The following KSR2 variants were observed in gnomAD, a reference collection of about 807,000 sequenced individuals.
KSR2 encodes kinase suppressor of ras 2.
KSR2 carries 25 observed loss-of-function variants against 107.8 expected under a neutral mutation model. That is an observed-to-expected ratio of 0.23 (90% CI 0.17 to 0.32). KSR2 has a LOEUF of 0.32. KSR2 is among the 10% of genes least tolerant of loss of function. The pLI is 1.00. For missense variants in KSR2, 887 were observed against 1,268.9 expected (o/e 0.70, Z 4.57); for synonymous variants, 480 against 507.0 (o/e 0.95, Z 0.71).
chr12:117,629,175 G>C (rs1368988603), intron 5 of KSR2, among the ~76,000 whole-genome samples: 2 of 152,198 alleles, frequency 1.3e-5, no homozygotes, highest in African/African-American at 4.8e-5. Flanking sequence ...TTGATGACCC[G>C]CACTGCTTTG....
intron 14 of KSR2, among the ~76,000 whole-genome samples, chr12:117,518,642 T>A (rs1874542558): frequency 6.6e-6 from 1 of 152,356 alleles, no homozygotes; most frequent in Non-Finnish European, 1.5e-5. Flanking sequence ...TTTAAAACCT[T>A]ACGTGGGCTT....
At position 117,730,393 on chromosome 12, in the gene KSR2, CTA is replaced by C. The variant is rs199931007; in HGVS notation, c.986+30616_986+30617del. On this transcript the variant is annotated intron_variant, in intron 4 of 19. Coordinates refer to ENST00000339824, the MANE Select transcript of KSR2 (RefSeq NM_173598.6). ...GGTAAGAATGCAATATATCCTGTCT[CTA>C]TTATTATTATTATAAAAGTGAAATC... 8.5e-3 allele frequency among the ~76,000 whole-genome samples: 1,294 copies of C among 152,072 alleles called. 20 individuals carry two copies. The highest frequency in any genetic ancestry group is 0.03 in the African/African-American group (1,225 of 41,448).
At chr12:117,643,424 G>A (rs1883471972) in intron 5 of KSR2, among the ~76,000 whole-genome samples, 2 of 152,158 alleles carry the variant, frequency 1.3e-5, no homozygotes, top group Non-Finnish European at 1.5e-5. Flanking sequence ...TCTAGCCTGG[G>A]CAACAGAGCA....
intron 1 of KSR2, among the ~76,000 whole-genome samples, chr12:117,878,197 C>T (rs759886141): frequency 5.4e-5 from 8 of 147,076 alleles, no homozygotes; most frequent in Non-Finnish European, 1.0e-4. Flanking sequence ...TAATCACTCC[C>T]GGCCTTTTTG....
Position 117,923,064 on chromosome 12 carries a change from T to C in KSR2, c.180+45012A>G, listed in dbSNP as rs116027814. 1.3e-3 allele frequency among the ~76,000 whole-genome samples: 194 copies of C among 152,258 alleles called. 1 individual carries two copies. Among genetic ancestry groups the C allele is most frequent in the African/African-American group, 4.5e-3 (187 of 41,548 alleles). Reference sequence around the variant, plus strand: ...ACTTCACTATTTAGAATGCCCCCGGTTAGTGATAAAGTGCTACCTAGTGTG... The same window carrying C: ...ACTTCACTATTTAGAATGCCCCCGGCTAGTGATAAAGTGCTACCTAGTGTG... On this transcript the variant is annotated intron_variant, in intron 1 of 19. Coordinates refer to ENST00000339824, the MANE Select transcript of KSR2 (RefSeq NM_173598.6).
At chr12:117,474,134 C>G (rs1262429631) in intron 17 of KSR2, among the ~76,000 whole-genome samples, 1 of 152,172 alleles carries the variant, frequency 6.6e-6, no homozygotes, top group Non-Finnish European at 1.5e-5. Flanking sequence ...TTAAAACTTC[C>G]TTTTAAACCC....
intron 4 of KSR2, among the ~76,000 whole-genome samples, chr12:117,668,824 G>A (rs548443072): frequency 6.6e-6 from 1 of 152,236 alleles, no homozygotes; most frequent in Non-Finnish European, 1.5e-5. Context: ...GGAAAGTTTG[G>A]TTCTCCTCTT....
intron 1 of KSR2, among the ~76,000 whole-genome samples, chr12:117,877,014 A>T (rs1893875985): frequency 6.6e-6 from 1 of 152,150 alleles, no homozygotes; most frequent in Non-Finnish European, 1.5e-5. Flanking sequence ...GTGTTGCATT[A>T]AACAAAGTTT....
chr12:117,455,714 T>C lies in KSR2; in HGVS notation c.*11485A>G, dbSNP rs1870585494. 1 of 152,238 alleles carries C rather than the reference T, an allele frequency of 6.6e-6. No individual in the cohort carries two copies. The highest frequency in any genetic ancestry group is 2.1e-4 in the South Asian group (1 of 4,828). 9.4% of individuals were successfully genotyped at this position (152,238 alleles called of 1,614,324 possible). A position where few individuals can be genotyped will look rare whatever the true frequency, so the allele number is the denominator to read the frequency against. On this transcript the variant is annotated 3_prime_UTR_variant, in exon 20 of 20. Coordinates refer to ENST00000339824, the MANE Select transcript of KSR2 (RefSeq NM_173598.6). ...TCCACGCTGGGCTCTGCTGAGGGTGTAGTGAATGGGGCTGGGGACATGAGC... is the reference window on the plus strand; with the variant it reads ...TCCACGCTGGGCTCTGCTGAGGGTGCAGTGAATGGGGCTGGGGACATGAGC...
At chr12:117,765,894 C>T (rs1206890530) in intron 3 of KSR2, among the ~76,000 whole-genome samples, 1 of 152,186 alleles carries the variant, frequency 6.6e-6, no homozygotes, top group Non-Finnish European at 1.5e-5. Context: ...CAACAAATGG[C>T]AGATGATTGA....
chr12:117,644,949 G>A (rs561921277), intron 5 of KSR2, among the ~76,000 whole-genome samples: 11 of 152,212 alleles, frequency 7.2e-5, no homozygotes, highest in South Asian at 4.1e-4. Context: ...AATCCACTCC[G>A]CTTGATTGCA....
chr12:117,921,819 T>C (rs534566656), intron 1 of KSR2, among the ~76,000 whole-genome samples: 1 of 152,270 alleles, frequency 6.6e-6, no homozygotes, highest in East Asian at 1.9e-4. Flanking sequence ...CCATCCCGGA[T>C]AATATCAGAA....
chr12:117,571,625 G>A (rs900173741), intron 7 of KSR2, among the ~76,000 whole-genome samples: 1 of 152,136 alleles, frequency 6.6e-6, no homozygotes, highest in Admixed American at 6.5e-5. Context: ...GTAAGACTGT[G>A]ACCGCTGGCC....
At chr12:117,475,223 C>A (rs1243275203) in intron 17 of KSR2, among the ~76,000 whole-genome samples, 3 of 152,054 alleles carry the variant, frequency 2.0e-5, no homozygotes, top group Non-Finnish European at 4.4e-5. Context: ...GTTTAATAAC[C>A]ATCAATGGCT....
chr12:117,900,567 T>C (rs545024328), intron 1 of KSR2, among the ~76,000 whole-genome samples: 1 of 147,020 alleles, frequency 6.8e-6, no homozygotes, highest in Admixed American at 6.9e-5. Context: ...TTTATATATA[T>C]ATATGTTGCA....
chr12:117,936,838 A>G (rs1281567876), intron 1 of KSR2, among the ~76,000 whole-genome samples: 3 of 152,216 alleles, frequency 2.0e-5, no homozygotes, highest in Admixed American at 1.3e-4. Context: ...GGCACATGGC[A>G]GGTGCCCCAT....
intron 14 of KSR2, among the ~76,000 whole-genome samples, chr12:117,492,509 G>C (rs1388294636): frequency 1.3e-5 from 2 of 152,172 alleles, no homozygotes; most frequent in Non-Finnish European, 2.9e-5. Context: ...AAGCCCCCAC[G>C]ACCTTGGGGC....
intron 14 of KSR2, among the ~76,000 whole-genome samples, chr12:117,491,940 G>T (rs529464485): frequency 1.3e-5 from 2 of 152,336 alleles, no homozygotes; most frequent in African/African-American, 4.8e-5. Context: ...AGGTCTGCTG[G>T]TAGTACAGTC....
intron 3 of KSR2, among the ~76,000 whole-genome samples, chr12:117,821,942 A>G (rs1162519549): frequency 6.6e-6 from 1 of 152,168 alleles, no homozygotes; most frequent in Non-Finnish European, 1.5e-5. Context: ...AAGTCACAGG[A>G]TGGGATGGGA....
Sources: gnomAD v4.1 joint callset for allele counts (sites outside exome capture counted in the v4.1 genomes callset) on GRCh38, gnomAD v4.1.1 for gene constraint, MANE v1.5 for transcripts, NCBI Gene and HGNC (gene_info 2026-07-23, HGNC 2026-07-21) for gene names.